SYT8: variants seen among roughly 807,000 people sequenced by gnomAD.
The protein encoded by SYT8 is synaptotagmin 8, also known as synaptotagmin-8.
SYT8 carries 50 observed loss-of-function variants against 34.9 expected under a neutral mutation model. The observed-to-expected ratio is 1.43, with a 90% CI of 1.14 to 1.81. The LOEUF is 1.81. Ranked by LOEUF, SYT8 falls within the 40% of genes most tolerant of loss-of-function variation. The pLI, the probability that SYT8 is intolerant of heterozygous loss-of-function variation, is 0.00. For synonymous variants in SYT8, 255 were observed against 234.2 expected (o/e 1.09, Z -0.81); for missense variants, 595 against 529.0 (o/e 1.12, Z -1.22).
rs766406217 is a variant in SYT8, at chr11:1,837,320, C to A, written c.1053C>A (p.His351Gln). The change falls in exon 8 of 8, where the codon CAC (histidine) becomes CAA (glutamine). Residue 351 changes from histidine to glutamine, a missense_variant. Physicochemically the swap from His to Gln is conservative, Grantham distance 24. Transcript: ENST00000341958. Reference sequence around the variant, plus strand: ...AGCACTGGGCAGACATGCTGGCCCACGCCCGGCGGCCCATTGCCCAGCGGC... The same window carrying A: ...AGCACTGGGCAGACATGCTGGCCCAAGCCCGGCGGCCCATTGCCCAGCGGC... The part of the protein sequence containing the change: ...PLQHWADMLA[H>Q]ARRPIAQRHP... The A allele has an allele frequency of 1.3e-6, 2 of 1,589,536 alleles. No homozygotes were observed. Among genetic ancestry groups the A allele is most frequent in the South Asian group, 1.1e-5 (1 of 89,966 alleles).
rs1847002839 is a variant in SYT8 at position 1,837,276 on chromosome 11, G to C, written c.1009G>C (p.Ala337Pro). The change falls in exon 8 of 8, where the codon GCC (alanine) becomes CCC (proline). Residue 337 changes from alanine to proline, a missense_variant. By Grantham distance (27) the Ala-to-Pro change is conservative. Transcript: ENST00000341958. ...AGGCAAGGTGCACCTGGGTGCCCGGGCCTCGGGGCAGCCCCTGCAGCACTG... is the reference window on the plus strand; with the variant it reads ...AGGCAAGGTGCACCTGGGTGCCCGGCCCTCGGGGCAGCCCCTGCAGCACTG... ...PVGKVHLGAR[A>P]SGQPLQHWAD... The C allele has an allele frequency of 6.3e-7, 1 of 1,586,168 alleles. No individual in the cohort carries two copies. Among genetic ancestry groups the C allele is most frequent in the Non-Finnish European group, 8.5e-7 (1 of 1,170,670 alleles).
Position 1,835,939 on chromosome 11 carries a change from G to T in SYT8, c.312G>T (p.Trp104Cys). 1 of 1,609,728 alleles carries T rather than the reference G, an allele frequency of 6.2e-7. No individual in the cohort carries two copies. The highest frequency in any genetic ancestry group is 1.1e-5 in the South Asian group (1 of 90,544). The change falls in exon 3 of 8, where the codon TGG (tryptophan) becomes TGT (cysteine). Residue 104 changes from tryptophan to cysteine, a missense_variant. Transcript: ENST00000341958. ...LESSPGDAQQ[W>C]GCLQLSLEFD... ...CCAGCCCGGGGGATGCTCAGCAATG[G>T]GGGTGCCTGCAGCTCTCCCTGGAGT...
rs747366633 is a variant in SYT8 at position 1,836,837 on chromosome 11, CG to C, written c.767del (p.Arg256GlnfsTer12). On this transcript the variant is annotated frameshift_variant, in exon 6 of 8. Coordinates refer to ENST00000341958, the MANE Select transcript of SYT8 (RefSeq NM_001394072.1). LOFTEE classifies it high-confidence loss of function. ...GRLTVVVLEARGLRPGLAEPY... is the reference protein window; with the variant it reads ...GRLTVVVLEAXGLRPGLAEPY... ...GCTGACCGTGGTGGTGCTGGAGGCT[CG>C]AGGCCTGCGTCCAGGACTTGCAGGT... 1 of 1,611,648 alleles carries C rather than the reference CG, an allele frequency of 6.2e-7. No individual in the cohort carries two copies. Among genetic ancestry groups the C allele is most frequent in the Admixed American group, 1.7e-5 (1 of 60,020 alleles).
At chr11:1,832,823 G>A (rs915321565), upstream of SYT8, among the ~76,000 whole-genome samples, 1 of 152,148 alleles carries the variant, frequency 6.6e-6, no homozygotes, top group Non-Finnish European at 1.5e-5. Context: ...AGTGCCGCTG[G>A]CCGGCCGCGG....
At chr11:1,834,369 T>C, upstream of SYT8, 1 of 614,220 alleles carries the variant, frequency 1.6e-6, no homozygotes, top group Non-Finnish European at 2.9e-6. The surrounding 1 kb of genome is among the most constrained non-coding windows in gnomAD (Gnocchi z 4.5). Context: ...GTGTGGAATG[T>C]TCTGGCCGCT....
Position 1,836,294 on chromosome 11 carries a change from G to C in SYT8, c.516+10G>C. On this transcript the variant is annotated intron_variant, in intron 4 of 7. Coordinates refer to ENST00000341958, the MANE Select transcript of SYT8 (RefSeq NM_001394072.1). ...GACCTGCTGCTTCCACGTGAGTCAG[G>C]GATGGTCGGCTGGGTGGGCCTGGAC... 2 of 1,536,926 alleles carry C rather than the reference G, an allele frequency of 1.3e-6. No homozygotes were observed. Among genetic ancestry groups the C allele is most frequent in the African/African-American group, 1.4e-5 (1 of 72,726 alleles).
rs913988740 is a variant in SYT8 at position 1,835,037 on chromosome 11, C to T, written c.-69C>T. ...AGTCAGATGGGGTAGCGGGCAGGGG[C>T]CGGAGGGGCCACCCTCCCAGCTGAC... On this transcript the variant is annotated 5_prime_UTR_variant, in exon 1 of 8. Transcript: ENST00000341958. 26 of 1,515,550 alleles carry T rather than the reference C, an allele frequency of 1.7e-5. No homozygotes were observed. The highest frequency in any genetic ancestry group is 2.8e-5 in the African/African-American group (2 of 72,636). 93.9% of individuals were successfully genotyped at this position (1,515,550 alleles called of 1,614,324 possible).
chr11:1,836,768 G>T lies in SYT8; in HGVS notation c.697G>T (p.Gly233Trp). 1 of 1,609,604 alleles carries T rather than the reference G, an allele frequency of 6.2e-7. No homozygotes were observed. Among genetic ancestry groups the T allele is most frequent in the Non-Finnish European group, 8.5e-7 (1 of 1,179,884 alleles). Residue 233 changes from glycine (G) to tryptophan (W), a missense_variant, in exon 6 of 8, where the codon GGG (glycine) becomes TGG (tryptophan). Coordinates refer to ENST00000341958, the MANE Select transcript of SYT8 (RefSeq NM_001394072.1). Reference protein sequence around the residue: ...PPAATQPEQVGELCFSLRYVP... With the variant: ...PPAATQPEQVWELCFSLRYVP... ...TTGCTGCCCACAGCCCGAGCAGGTC[G>T]GGGAGCTGTGCTTCTCTCTCCGGTA... is the stretch of plus-strand genomic sequence containing the variant.
upstream of SYT8, chr11:1,834,309 G>T (rs949493400): frequency 3.7e-6 from 2 of 544,802 alleles, no homozygotes; most frequent in African/African-American, 2.0e-5. This position sits in a 1 kb window ranked among gnomAD's most constrained non-coding sequence, Gnocchi z 4.5. Flanking sequence ...CATGCCGAAG[G>T]GTGGCCAGGC....
chr11:1,834,501 C>T, upstream of SYT8: 2 of 1,442,078 alleles, frequency 1.4e-6, no homozygotes, highest in East Asian at 2.5e-5. The surrounding 1 kb of genome is among the most constrained non-coding windows in gnomAD (Gnocchi z 4.5). Flanking sequence ...CGCCGACAGC[C>T]AGCCCTGCTC....
At position 1,837,463 on chromosome 11, in the gene SYT8, C is replaced by G; in HGVS notation, c.*32C>G. The stretch of plus-strand genomic sequence containing the variant: ...CACATGCCTCTGTCTCCCCGCTGAG[C>G]CCAGGCACTTGCCCAGGCCGCCCTG... On this transcript the variant is annotated 3_prime_UTR_variant, in exon 8 of 8. Coordinates refer to ENST00000341958, the MANE Select transcript of SYT8 (RefSeq NM_001394072.1). 3.1e-6 allele frequency: 5 copies of G among 1,597,012 alleles called. No individual in the cohort carries two copies. The highest frequency in any genetic ancestry group is 4.3e-6 in the Non-Finnish European group (5 of 1,175,828).
In SYT8 at chr11:1,835,470, G is replaced by T. The variant is rs1236747957; in HGVS notation, c.258+11G>T. On this transcript the variant is annotated intron_variant, in intron 2 of 7. Coordinates refer to ENST00000341958, the MANE Select transcript of SYT8 (RefSeq NM_001394072.1). ...ACCACCACCCACCTGGTGAGGAGCG[G>T]CTCCTTGCTCACTCAGTCCAGAGAG... 6.2e-7 allele frequency: 1 copy of T among 1,608,194 alleles called. No individual in the cohort carries two copies. Among genetic ancestry groups the T allele is most frequent in the African/African-American group, 1.3e-5 (1 of 75,026 alleles).
rs753198301 is a variant in SYT8, at chr11:1,836,836, T to C, written c.765T>C (p.Ala255=). The change falls in exon 6 of 8, where the codon GCT becomes GCC. Residue 255 remains alanine, a synonymous_variant. Transcript: ENST00000341958. Reference sequence around the variant, plus strand: ...GGCTGACCGTGGTGGTGCTGGAGGCTCGAGGCCTGCGTCCAGGACTTGCAG... The same window carrying C: ...GGCTGACCGTGGTGGTGCTGGAGGCCCGAGGCCTGCGTCCAGGACTTGCAG... The part of the protein sequence containing the change: ...SGRLTVVVLE[A]RGLRPGLAEP... The C allele has an allele frequency of 1.9e-6, 3 of 1,611,634 alleles. No homozygotes were observed. In the East Asian group the frequency reaches 6.7e-5, roughly 36 times the overall value.
chr11:1,833,815 CGTGTGTGTGTGTGTGTGTGT>C (rs3837417), upstream of SYT8: 343 of 141,802 alleles, frequency 2.4e-3, 2 homozygotes, highest in Middle Eastern at 0.024. Flanking sequence ...TGTGCGCGTG[CGTGTGTGTGTGTGTGTGTGT>C]GTGTGTGTGT....
chr11:1,832,806 G>T (rs1846716081), upstream of SYT8, among the ~76,000 whole-genome samples: 1 of 152,282 alleles, frequency 6.6e-6, no homozygotes, highest in Non-Finnish European at 1.5e-5. Context: ...CACCAGGCTG[G>T]CCCGGGAGTG....
chr11:1,831,799 G>A (rs1286954238), upstream of SYT8: 2 of 455,908 alleles, frequency 4.4e-6, no homozygotes, highest in African/African-American at 2.0e-5. Flanking sequence ...AGAGTTCCCC[G>A]TCACCAGAGG....
chr11:1,836,541 G>A lies in SYT8; in HGVS notation c.633G>A (p.Leu211=). The A allele has an allele frequency of 6.2e-7, 1 of 1,612,724 alleles. No individual in the cohort carries two copies. Among genetic ancestry groups the A allele is most frequent in the East Asian group, 2.2e-5 (1 of 44,882 alleles). ...GTCTGCCACTGGGCACCGTGGATCT[G>A]CAGCATGTTCTGGAGCACTGGTACC... ...ELRLPLGTVD[L]QHVLEHWYLL... The change falls in exon 5 of 8, where the codon CTG becomes CTA. Residue 211 remains leucine, a synonymous_variant. Transcript: ENST00000341958.
In SYT8 at chr11:1,836,593, G is replaced by A. The variant is rs1386587764; in HGVS notation, c.684+1G>A. On this transcript the variant is annotated splice_donor_variant, in intron 5 of 7. Transcript: ENST00000341958. LOFTEE classifies it high-confidence loss of function. ...GCTGGGCCCGCCGGCTGCCACTCAG[G>A]TGAGGTGCTGGTCACCAGGCCACAG... The A allele has an allele frequency of 1.9e-6, 3 of 1,610,384 alleles. No homozygotes were observed. Among genetic ancestry groups the A allele is most frequent in the South Asian group, 1.1e-5 (1 of 90,868 alleles).
At chr11:1,832,743 G>A (rs1307097269), upstream of SYT8, among the ~76,000 whole-genome samples, 1 of 152,198 alleles carries the variant, frequency 6.6e-6, no homozygotes, top group Non-Finnish European at 1.5e-5. Flanking sequence ...CAGGGTCCTG[G>A]GGTTCTCCGG....
Sources: gnomAD v4.1 joint callset for allele counts (sites outside exome capture counted in the v4.1 genomes callset) on GRCh38, gnomAD v4.1.1 for gene constraint, Gnocchi (gnomAD v3.1) non-coding constraint, MANE v1.5 for transcripts, NCBI Gene and HGNC (gene_info 2026-07-23, HGNC 2026-07-21) for gene names.